Variants in OSBPL10 observed in about 807,000 individuals in gnomAD.
OSBPL10 encodes oxysterol binding protein like 10, also known as oxysterol-binding protein-related protein 10.
A neutral mutation model predicts 81.7 loss-of-function variants in OSBPL10; 49 were observed. The observed-to-expected ratio is 0.60, with a 90% confidence interval of 0.48 to 0.76. OSBPL10 has a LOEUF of 0.76. OSBPL10 is among the 30% of genes least tolerant of loss of function. The probability of loss-of-function intolerance (pLI) is 0.00; values close to 1 mark genes in which losing one functional copy is unlikely to be tolerated. For synonymous variants in OSBPL10, 419 were observed against 383.6 expected, an observed-to-expected ratio of 1.09 and a Z score of -1.08; for missense variants, 923 against 987.8, an observed-to-expected ratio of 0.93 and a Z score of 0.88.
At chr3:31,837,610 G>A (rs1305909804) in intron 3 of OSBPL10, among the ~76,000 whole-genome samples, 3 of 141,158 alleles carry the variant, frequency 2.1e-5, no homozygotes, top group Non-Finnish European at 3.1e-5. Flanking sequence ...AACAAAATAG[G>A]ACTAGAAAAC....
chr3:31,766,846 G>GA (rs1438095526), intron 4 of OSBPL10, among the ~76,000 whole-genome samples: 1 of 152,190 alleles, frequency 6.6e-6, no homozygotes, highest in Non-Finnish European at 1.5e-5. Flanking sequence ...CAGAGGGCCT[G>GA]AAAGTGTACT....
intron 4 of OSBPL10, among the ~76,000 whole-genome samples, chr3:31,805,152 C>A (rs977202138): frequency 2.0e-5 from 3 of 152,088 alleles, no homozygotes; most frequent in African/African-American, 7.2e-5. Flanking sequence ...TAAAAATGAA[C>A]CATGCAAGCT....
intron 4 of OSBPL10, among the ~76,000 whole-genome samples, chr3:31,829,681 C>T (rs1700190042): frequency 6.6e-6 from 1 of 152,180 alleles, no homozygotes; most frequent in African/African-American, 2.4e-5. Flanking sequence ...TTATGTCTAG[C>T]ACTTCCTGAG....
chr3:31,707,043 C>T (rs965988480), intron 6 of OSBPL10: 4 of 149,204 alleles, frequency 2.7e-5, no homozygotes, highest in Admixed American at 1.3e-4. Flanking sequence ...GTTTGATCTA[C>T]TAACATCTCC....
At chr3:32,035,267 C>T (rs763279491) in intron 2 of OSBPL10, among the ~76,000 whole-genome samples, 5 of 152,042 alleles carry the variant, frequency 3.3e-5, no homozygotes, top group Non-Finnish European at 7.4e-5. Flanking sequence ...AAACTTACAA[C>T]TCTGAAGAAT....
At chr3:31,848,759 G>A (rs939011415) in intron 3 of OSBPL10, among the ~76,000 whole-genome samples, 1 of 152,188 alleles carries the variant, frequency 6.6e-6, no homozygotes, top group Non-Finnish European at 1.5e-5. Flanking sequence ...ATGGCCAATG[G>A]TCTAAAATAT....
chr3:31,849,428 C>A (rs960421202), intron 3 of OSBPL10, among the ~76,000 whole-genome samples: 1 of 152,100 alleles, frequency 6.6e-6, no homozygotes, highest in South Asian at 2.1e-4. Flanking sequence ...CCCAGAAAAA[C>A]AGAGCAATTA....
Position 31,686,285 on chromosome 3 carries a change from G to A in OSBPL10, c.1246-2171C>T, listed in dbSNP as rs576997043. Among the ~76,000 whole-genome samples the A allele has an allele frequency of 2.0e-5, 3 of 152,324 alleles. No homozygotes were observed. In the South Asian group the frequency reaches 6.2e-4, roughly 32 times the overall value. ...CAGCAACACTAAAGGGACTAATACA[G>A]ATGTCCAGAGAGAGATAGGCAGACA... On this transcript the variant is annotated intron_variant, in intron 7 of 11. Coordinates refer to ENST00000396556, the MANE Select transcript of OSBPL10 (RefSeq NM_017784.5).
At chr3:31,854,786 A>C (rs565073107) in intron 3 of OSBPL10, among the ~76,000 whole-genome samples, 95 of 152,332 alleles carry the variant, frequency 6.2e-4, no homozygotes, top group African/African-American at 2.2e-3. Flanking sequence ...TATACGAATA[A>C]ATGAATGAAA....
intron 8 of OSBPL10, among the ~76,000 whole-genome samples, chr3:31,674,561 A>G (rs1230356482): frequency 6.6e-6 from 1 of 151,086 alleles, no homozygotes; most frequent in Non-Finnish European, 1.5e-5. Context: ...CCCTGTCTCA[A>G]ATAGATAGAC....
chr3:32,042,320 T>A (rs561077654), intron 2 of OSBPL10, among the ~76,000 whole-genome samples: 1 of 152,236 alleles, frequency 6.6e-6, no homozygotes, highest in African/African-American at 2.4e-5. Flanking sequence ...ACCCACAGAA[T>A]CTGTGTGCAT....
chr3:31,708,954 C>T, intron 6 of OSBPL10: 2 of 985,450 alleles, frequency 2.0e-6, no homozygotes, highest in South Asian at 9.4e-5. Flanking sequence ...CTGTTGAAGG[C>T]TCCTGCACAC....
At chr3:31,935,891 TA>T (rs1195312968) in intron 1 of OSBPL10, among the ~76,000 whole-genome samples, 1 of 152,176 alleles carries the variant, frequency 6.6e-6, no homozygotes, top group Non-Finnish European at 1.5e-5. Flanking sequence ...GTTCTGGAAA[TA>T]AAATTGCTGA....
chr3:31,740,857 T>TTTTATATATATATA (rs1553620066), intron 5 of OSBPL10, among the ~76,000 whole-genome samples: 4 of 136,386 alleles, frequency 2.9e-5, no homozygotes, highest in African/African-American at 1.0e-4. Context: ...CTACTAGAAT[T>TTTTATATATATATA]TATATATATA....
Position 31,747,985 on chromosome 3 carries a change from G to T in OSBPL10, c.865C>A (p.Leu289Ile). ...TGTAACAAGTTGAGGCACTCCCCAAGGCAGCTGAGGGTGGCAGCAGAGGTA... is the reference window on the plus strand; with the variant it reads ...TGTAACAAGTTGAGGCACTCCCCAATGCAGCTGAGGGTGGCAGCAGAGGTA... ...KATSAATLSC[L>I]GECLNLLQQS... Residue 289 changes from leucine to isoleucine, a missense_variant, in exon 5 of 12, where the codon CTT becomes ATT. Physicochemically the swap from Leu to Ile is conservative, Grantham distance 5. Transcript: ENST00000396556. The T allele has an allele frequency of 6.2e-7, 1 of 1,614,170 alleles. No individual in the cohort carries two copies. Among genetic ancestry groups the T allele is most frequent in the Non-Finnish European group, 8.5e-7 (1 of 1,180,028 alleles).
chr3:31,763,619 GC>G (rs1159968672), intron 4 of OSBPL10, among the ~76,000 whole-genome samples: 1 of 152,150 alleles, frequency 6.6e-6, no homozygotes, highest in African/African-American at 2.4e-5. Context: ...GTAAACACCT[GC>G]CATTCCCTTT....
chr3:31,849,141 C>T (rs1335287265), intron 3 of OSBPL10, among the ~76,000 whole-genome samples: 1 of 152,206 alleles, frequency 6.6e-6, no homozygotes, highest in East Asian at 1.9e-4. Flanking sequence ...CAGAACCAGC[C>T]ATCACCAGAC....
rs976786731 is a variant in OSBPL10, at chr3:32,054,577, G to C, written n.186-7974C>G. 7.6e-5 allele frequency among the ~76,000 whole-genome samples: 9 copies of C among 117,760 alleles called. No homozygotes were observed. The South Asian group carries it at 1.2e-3, about 16-fold the overall frequency. The allele number at this position is 117,760 out of a possible 152,430, so 77.3% of individuals were successfully genotyped here. On this transcript the variant is annotated intron_variant and non_coding_transcript_variant, in intron 1 of 3. Coordinates refer to the OSBPL10 transcript ENST00000479173. ...GACGGAGTCTCACTCTGTCACCCAGGCTGGAGTGCAATGGCATAATCTTGG... is the reference window on the plus strand; with the variant it reads ...GACGGAGTCTCACTCTGTCACCCAGCCTGGAGTGCAATGGCATAATCTTGG...
rs1463714130 is a variant in OSBPL10, at chr3:31,973,130, T to C, written c.281+7769A>G. ...AGAACTGCAAAAAGCCTCCCACGTT[T>C]CCGGCACAATCATTTCAACCCTTCT... On this transcript the variant is annotated intron_variant, in intron 1 of 11. Transcript: ENST00000396556. Among the ~76,000 whole-genome samples, 6 of 152,200 alleles carry C rather than the reference T, an allele frequency of 3.9e-5. No individual in the cohort carries two copies. The East Asian group carries it at 1.2e-3, about 29-fold the overall frequency.
Sources: allele counts gnomAD v4.1 joint callset (sites outside exome capture counted in the v4.1 genomes callset), GRCh38; gene constraint gnomAD v4.1.1; transcripts MANE v1.5; gene names NCBI Gene and HGNC (gene_info 2026-07-23, HGNC 2026-07-21).